Variants in MIS18BP1 observed in about 807,000 individuals in gnomAD.
MIS18BP1 encodes the protein MIS18 binding protein 1.
In MIS18BP1, 72 loss-of-function variants were observed where a neutral mutation model predicts 116.1. That is an observed-to-expected ratio of 0.62 (90% CI 0.51 to 0.75). The LOEUF is 0.75. MIS18BP1 is among the 30% of genes least tolerant of loss of function. The probability of loss-of-function intolerance (pLI) is 0.00; values close to 1 mark genes in which losing one functional copy is unlikely to be tolerated. For missense variants in MIS18BP1, 1,363 were observed against 1,303.2 expected (o/e 1.05, Z -0.71); for synonymous variants, 386 against 427.0 (o/e 0.90, Z 1.18).
chr14:45,214,004 C>G (rs562017868), intron 13 of MIS18BP1, among the ~76,000 whole-genome samples: 3 of 152,272 alleles, frequency 2.0e-5, no homozygotes, highest in African/African-American at 7.2e-5. Context: ...CCCAGGGACA[C>G]AATACACTGC....
At position 45,224,494 on chromosome 14, in the gene MIS18BP1, G is replaced by T; in HGVS notation, c.2093C>A (p.Thr698Asn). The stretch of plus-strand genomic sequence containing the variant: ...ATGACCTTCAAATGTATTTTCTAAA[G>T]TCCCCATGGACTTGCTGATGGGACT... ...KKSPISKSMG[T>N]LENTFEGHKS... Residue 698 changes from threonine (T) to asparagine (N), a missense_variant, in exon 11 of 17, where the codon ACT (threonine) becomes AAT (asparagine). Thr to Asn is a moderately conservative substitution (Grantham distance 65, BLOSUM62 0). Transcript: ENST00000310806. 6.2e-7 allele frequency: 1 copy of T among 1,613,590 alleles called. No individual in the cohort carries two copies. The highest frequency in any genetic ancestry group is 1.1e-5 in the South Asian group (1 of 90,918).
Position 45,246,801 on chromosome 14 carries a change from G to T in MIS18BP1, c.486C>A (p.Tyr162Ter). 6.3e-7 allele frequency: 1 copy of T among 1,590,760 alleles called. No homozygotes were observed. Among genetic ancestry groups the T allele is most frequent in the South Asian group, 1.2e-5 (1 of 85,326 alleles). The part of the protein sequence containing the change: ...RVEKKKLQHT[Y>*]LCEEKENNKS... ...TGTTGTTTTCCTTTTCTTCACATAG[G>T]TAGGTATGCTGCAATTTTTTTTTTT... The change falls in exon 2 of 17, where the codon TAC becomes TAA. Residue 162 changes from tyrosine to a stop codon, truncating the protein, a stop_gained. Coordinates refer to ENST00000310806, the MANE Select transcript of MIS18BP1 (RefSeq NM_018353.5). LOFTEE classifies it high-confidence loss of function.
intron 11 of MIS18BP1, among the ~76,000 whole-genome samples, chr14:45,220,467 T>C (rs2139172859): frequency 6.6e-6 from 1 of 152,248 alleles, no homozygotes; most frequent in East Asian, 1.9e-4. Context: ...GGAGGTAGAT[T>C]CCTCATGAAT....
At chr14:45,234,092 A>G (rs1891359399) in intron 6 of MIS18BP1, among the ~76,000 whole-genome samples, 1 of 152,168 alleles carries the variant, frequency 6.6e-6, no homozygotes, top group East Asian at 1.9e-4. Context: ...TAGAGAAGCT[A>G]AGTAAAGTAT....
intron 15 of MIS18BP1, among the ~76,000 whole-genome samples, chr14:45,205,362 G>A (rs1166629406): frequency 6.6e-6 from 1 of 152,132 alleles, no homozygotes; most frequent in Non-Finnish European, 1.5e-5. Flanking sequence ...AGGGAATCAA[G>A]GGGGTTCCCA....
chr14:45,238,116 T>G lies in MIS18BP1; in HGVS notation c.1144-395A>C, dbSNP rs563188411. On this transcript the variant is annotated intron_variant, in intron 4 of 16. Transcript: ENST00000310806. ...TGTTTTGTCCTTAAAAAATTAAGAG[T>G]TTTTTTTTTTTTTTGTAAAGTTTAG... Among the ~76,000 whole-genome samples, 181 of 61,844 alleles carry G rather than the reference T, an allele frequency of 2.9e-3. 1 individual carries two copies. The highest frequency in any genetic ancestry group is 5.7e-3 in the African/African-American group (166 of 28,980). The allele number at this position is 61,844 out of a possible 152,430, so 40.6% of individuals were successfully genotyped here.
chr14:45,206,037 T>C, intron 15 of MIS18BP1, 46 bp downstream of exon 15: 1 of 1,256,820 alleles, frequency 8.0e-7, no homozygotes, highest in South Asian at 1.3e-5. Flanking sequence ...TTATCACATA[T>C]TAAAGTTGTT....
chr14:45,226,698 A>T, intron 10 of MIS18BP1, 45 bp downstream of exon 10: 1 of 1,284,690 alleles, frequency 7.8e-7, no homozygotes, highest in Non-Finnish European at 1.0e-6. Flanking sequence ...CATTTCACAT[A>T]GTAGCTTTCT....
Position 45,204,195 on chromosome 14 carries a change from CAG to C in MIS18BP1, c.3311_3312del (p.Ser1104TrpfsTer8). 1 of 1,609,590 alleles carries C rather than the reference CAG, an allele frequency of 6.2e-7. No homozygotes were observed. Among genetic ancestry groups the C allele is most frequent in the Non-Finnish European group, 8.5e-7 (1 of 1,178,460 alleles). ...TPFNTDLGENSGIGKLFTNAV... is the reference protein window; with the variant it reads ...TPFNTDLGENXGIGKLFTNAV... Reference sequence around the variant, plus strand: ...GCATTAGTGAAAAGTTTTCCAATACCAGAGTTTTCTCCTAAGTCTGTAAAGAG... The same window carrying C: ...GCATTAGTGAAAAGTTTTCCAATACCAGTTTTCTCCTAAGTCTGTAAAGAG... On this transcript the variant is annotated frameshift_variant, in exon 17 of 17. Transcript: ENST00000310806. LOFTEE classifies it high-confidence loss of function.
chr14:45,243,892 A>G (rs1189977179), intron 2 of MIS18BP1, among the ~76,000 whole-genome samples: 5 of 152,158 alleles, frequency 3.3e-5, no homozygotes, highest in Non-Finnish European at 7.4e-5. Flanking sequence ...TCTGGGGGAA[A>G]GGGTCACCAG....
In MIS18BP1 at chr14:45,220,388, C is replaced by T. The variant is rs559211469; in HGVS notation, c.2670-1934G>A. Among the ~76,000 whole-genome samples the T allele has an allele frequency of 6.6e-5, 10 of 152,220 alleles. No homozygotes were observed. In the East Asian group the frequency reaches 1.9e-3, roughly 29 times the overall value. ...GATATAGTTTAAATATGTGTCCCTA[C>T]CCAAGACTCATATCAAAATGTAATT... On this transcript the variant is annotated intron_variant, in intron 11 of 16. Coordinates refer to ENST00000310806, the MANE Select transcript of MIS18BP1 (RefSeq NM_018353.5).
In MIS18BP1 at chr14:45,240,236, T is replaced by C. The variant is rs1262124; in HGVS notation, c.1143+1798A>G. ...GCAGTAATTCCAACATTTTTAGGAC[T>C]GATTCTGGGGAAAGAAAGAGGAAAT... On this transcript the variant is annotated intron_variant, in intron 4 of 16. Transcript: ENST00000310806. Among the ~76,000 whole-genome samples, 1,108 of 152,144 alleles carry C rather than the reference T, an allele frequency of 7.3e-3. 23 individuals carry two copies. The highest frequency in any genetic ancestry group is 0.025 in the African/African-American group (1,054 of 41,490).
chr14:45,235,608 C>G (rs926983960), intron 6 of MIS18BP1, among the ~76,000 whole-genome samples: 1 of 134,750 alleles, frequency 7.4e-6, no homozygotes, highest in Non-Finnish European at 1.6e-5. Flanking sequence ...AAAAAAAAAA[C>G]AAAAACACAT....
Position 45,247,339 on chromosome 14 carries a change from CA to C in MIS18BP1, c.-54del. ...TTCTAACAGAAAATTCACTTAAGCG[CA>C]ATTTTCAGATAGAACTTCAGAAGGG... On this transcript the variant is annotated 5_prime_UTR_variant, in exon 2 of 17. The change creates a new upstream start codon in the 5' untranslated region. Coordinates refer to ENST00000310806, the MANE Select transcript of MIS18BP1 (RefSeq NM_018353.5). The C allele has an allele frequency of 6.9e-7, 1 of 1,446,094 alleles. No individual in the cohort carries two copies. The highest frequency in any genetic ancestry group is 9.2e-7 in the Non-Finnish European group (1 of 1,085,886). The allele number at this position is 1,446,094 out of a possible 1,614,324, so 89.6% of individuals were successfully genotyped here.
chr14:45,227,529 AG>A, intron 9 of MIS18BP1, 133 bp downstream of exon 9: 2 of 716,012 alleles, frequency 2.8e-6, no homozygotes, highest in Non-Finnish European at 4.5e-6. Context: ...TGGGCAATAG[AG>A]GGAGACTCCA....
At chr14:45,227,616 C>A in intron 9 of MIS18BP1, 47 bp downstream of exon 9, 1 of 1,522,818 alleles carries the variant, frequency 6.6e-7, no homozygotes, top group Non-Finnish European at 9.0e-7. Context: ...AGTAAATCAC[C>A]CTTCTAAATA....
chr14:45,209,460 T>C (rs1890616767), intron 14 of MIS18BP1, among the ~76,000 whole-genome samples: 1 of 152,132 alleles, frequency 6.6e-6, no homozygotes, highest in East Asian at 1.9e-4. Flanking sequence ...CCCTAGTAGC[T>C]AGGGCCACAG....
chr14:45,210,588 C>A, intron 13 of MIS18BP1, 60 bp from the exon 14 acceptor site: 1 of 1,588,558 alleles, frequency 6.3e-7, no homozygotes, highest in South Asian at 1.1e-5. Context: ...CTCATTATCA[C>A]AAAATAGTTT....
chr14:45,235,386 G>A (rs754294141), intron 6 of MIS18BP1, among the ~76,000 whole-genome samples: 8 of 151,782 alleles, frequency 5.3e-5, no homozygotes, highest in Non-Finnish European at 1.2e-4. Context: ...CATGTTGGAA[G>A]TGGTCATGCA....
Sources: allele counts gnomAD v4.1 joint callset (sites outside exome capture counted in the v4.1 genomes callset), GRCh38; gene constraint gnomAD v4.1.1; transcripts MANE v1.5; gene names NCBI Gene and HGNC (gene_info 2026-07-23, HGNC 2026-07-21).